Variants in TSPAN9 observed in about 807,000 individuals in gnomAD.
The protein encoded by TSPAN9 is tetraspanin-9.
TSPAN9 carries 16 observed loss-of-function variants against 31.0 expected under a neutral mutation model. That is an observed-to-expected ratio of 0.52 (90% CI 0.35 to 0.78). The LOEUF is 0.78. Ranked by LOEUF, TSPAN9 falls within the 30% of genes least tolerant of loss-of-function variation. The probability of loss-of-function intolerance (pLI) is 0.01; values close to 1 mark genes in which losing one functional copy is unlikely to be tolerated. For missense variants in TSPAN9, 272 were observed against 312.5 expected, an observed-to-expected ratio of 0.87 and a Z score of 0.98; for synonymous variants, 145 against 121.6, an observed-to-expected ratio of 1.19 and a Z score of -1.27.
At chr12:3,080,762 G>A (rs61918054) in intron 1 of TSPAN9, among the ~76,000 whole-genome samples, 3,718 of 152,254 alleles carry the variant, frequency 0.024, 73 homozygotes, top group Non-Finnish European at 0.038. Flanking sequence ...TAATATTCTT[G>A]AAACAACTGT....
intron 3 of TSPAN9, among the ~76,000 whole-genome samples, chr12:3,207,546 T>G (rs1211057961): frequency 6.6e-6 from 1 of 152,144 alleles, no homozygotes; most frequent in African/African-American, 2.4e-5. Flanking sequence ...ACTCGACTCT[T>G]TAACCAGCCA....
At chr12:3,169,805 C>T (rs928613390) in intron 2 of TSPAN9, among the ~76,000 whole-genome samples, 2 of 151,902 alleles carry the variant, frequency 1.3e-5, no homozygotes, top group African/African-American at 4.8e-5. Context: ...GGAAGAAGAT[C>T]GTATCAGGTG....
intron 2 of TSPAN9, among the ~76,000 whole-genome samples, chr12:3,134,333 C>G (rs543726280): frequency 2.5e-4 from 38 of 152,302 alleles, no homozygotes; most frequent in African/African-American, 8.9e-4. Context: ...GTCACTGGCA[C>G]TTTAGCAGGA....
rs544738772 is a variant in TSPAN9, at chr12:3,272,711, T to C, written c.64-5710T>C. Among the ~76,000 whole-genome samples the C allele has an allele frequency of 2.0e-5, 3 of 152,172 alleles. 1 individual carries two copies. Among genetic ancestry groups the C allele is most frequent in the Admixed American group, 2.0e-4 (3 of 15,294 alleles). ...GGAGACCGATGGGACCCATGAGATATGGGCAGTGGCTGCCCCTAGGATCTA... is the reference window on the plus strand; with the variant it reads ...GGAGACCGATGGGACCCATGAGATACGGGCAGTGGCTGCCCCTAGGATCTA... On this transcript the variant is annotated intron_variant, in intron 3 of 8. Transcript: ENST00000011898.
chr12:3,215,405 C>G (rs966407830), intron 3 of TSPAN9: 5 of 152,196 alleles, frequency 3.3e-5, no homozygotes, highest in African/African-American at 1.2e-4. Flanking sequence ...AACCTGGGAG[C>G]CTTGTCAGTG....
At chr12:3,233,861 G>C (rs1270762907) in intron 3 of TSPAN9, among the ~76,000 whole-genome samples, 1 of 152,170 alleles carries the variant, frequency 6.6e-6, no homozygotes, top group African/African-American at 2.4e-5. Context: ...AGGGGTTGTG[G>C]GCTATAGAGG....
intron 2 of TSPAN9, among the ~76,000 whole-genome samples, chr12:3,102,938 A>T (rs1325179296): frequency 6.6e-6 from 1 of 152,206 alleles, no homozygotes; most frequent in African/African-American, 2.4e-5. Context: ...CATCTTTTGA[A>T]TGAGGAAGAT....
At chr12:3,083,428 T>C (rs2098298868) in intron 1 of TSPAN9, among the ~76,000 whole-genome samples, 1 of 152,230 alleles carries the variant, frequency 6.6e-6, no homozygotes, top group Admixed American at 6.5e-5. Context: ...TCTTTTCTGC[T>C]GGGCCAGGGC....
intron 3 of TSPAN9, among the ~76,000 whole-genome samples, chr12:3,258,344 C>T (rs1227751546): frequency 6.6e-6 from 1 of 152,154 alleles, no homozygotes; most frequent in Non-Finnish European, 1.5e-5. Flanking sequence ...GGGTCTAAGA[C>T]ATGTCCTTTC....
chr12:3,220,976 C>G lies in TSPAN9; in HGVS notation c.63+19720C>G, dbSNP rs189809132. ...AGATGCAGAGAGATATTTCCAGTCT[C>G]CTTTTATGGCTCGGTGACTGGAGAG... On this transcript the variant is annotated intron_variant, in intron 3 of 8. Coordinates refer to ENST00000011898, the MANE Select transcript of TSPAN9 (RefSeq NM_006675.5). 7.3e-3 allele frequency among the ~76,000 whole-genome samples: 1,115 copies of G among 152,294 alleles called. 4 individuals carry two copies. The highest frequency in any genetic ancestry group is 0.012 in the Non-Finnish European group (830 of 68,028).
At chr12:3,096,261 G>T (rs1468113352) in intron 2 of TSPAN9, among the ~76,000 whole-genome samples, 1 of 152,156 alleles carries the variant, frequency 6.6e-6, no homozygotes, top group Non-Finnish European at 1.5e-5. Context: ...GTGCACCCTG[G>T]TGTTTCTGAG....
chr12:3,193,475 A>C (rs1007626091), intron 2 of TSPAN9, among the ~76,000 whole-genome samples: 1 of 152,174 alleles, frequency 6.6e-6, no homozygotes, highest in Non-Finnish European at 1.5e-5. Flanking sequence ...GCCCCAGTAC[A>C]TGCTCTGAGC....
intron 3 of TSPAN9, chr12:3,273,170 C>T (rs1480970893): frequency 1.3e-5 from 2 of 152,264 alleles, no homozygotes; most frequent in African/African-American, 2.4e-5. Flanking sequence ...CGTTGCCAGC[C>T]CTGCTCTAGG....
At chr12:3,229,055 A>G (rs549498231) in intron 3 of TSPAN9, among the ~76,000 whole-genome samples, 101 of 152,302 alleles carry the variant, frequency 6.6e-4, no homozygotes, top group African/African-American at 2.4e-3. Flanking sequence ...TTATTTCAAG[A>G]TCCTTCATAT....
chr12:3,097,363 T>C (rs2098309642), intron 2 of TSPAN9, among the ~76,000 whole-genome samples: 1 of 152,202 alleles, frequency 6.6e-6, no homozygotes, highest in Non-Finnish European at 1.5e-5. Context: ...ATTTTGGGTT[T>C]GGTGGGCTGA....
Position 3,280,358 on chromosome 12 carries a change from T to C in TSPAN9, c.331-24T>C. 1.9e-6 allele frequency: 3 copies of C among 1,608,540 alleles called. No individual in the cohort carries two copies. Among genetic ancestry groups the C allele is most frequent in the East Asian group, 4.5e-5 (2 of 44,842 alleles). ...GAGCTGCGTCCTGGTTCCAACCGTC[T>C]CACTGTGTCCCTCCGCCTGGCAGGT... On this transcript the variant is annotated intron_variant, in intron 5 of 8. Transcript: ENST00000011898. The surrounding 1 kb of genome is among the most constrained non-coding windows in gnomAD (Gnocchi z 4.5).
At chr12:3,282,624 C>T (rs1484063971) in intron 8 of TSPAN9, among the ~76,000 whole-genome samples, 1 of 152,174 alleles carries the variant, frequency 6.6e-6, no homozygotes, top group Admixed American at 6.5e-5. Context: ...GATCTCAAGC[C>T]ATCCTCCCAC....
chr12:3,087,081 G>A (rs1427493297), intron 2 of TSPAN9, among the ~76,000 whole-genome samples: 2 of 152,206 alleles, frequency 1.3e-5, no homozygotes, highest in African/African-American at 2.4e-5. Context: ...TTGAAACAGG[G>A]TGCAGCCATG....
intron 2 of TSPAN9, among the ~76,000 whole-genome samples, chr12:3,176,672 C>G (rs2098355829): frequency 6.6e-6 from 1 of 152,236 alleles, no homozygotes; most frequent in Non-Finnish European, 1.5e-5. Context: ...GGCTCAGACT[C>G]TATTCTGGGC....
Sources: gnomAD v4.1 joint callset for allele counts (sites outside exome capture counted in the v4.1 genomes callset) on GRCh38, gnomAD v4.1.1 for gene constraint, Gnocchi (gnomAD v3.1) non-coding constraint, MANE v1.5 for transcripts, NCBI Gene and HGNC (gene_info 2026-07-23, HGNC 2026-07-21) for gene names.